TCF7L2: variants seen among roughly 807,000 people sequenced by gnomAD.
The protein encoded by TCF7L2 is transcription factor 7 like 2.
TCF7L2 carries 23 observed loss-of-function variants against 77.9 expected under a neutral mutation model. The observed-to-expected ratio is 0.30, with a 90% CI of 0.21 to 0.42. TCF7L2 has a LOEUF of 0.42. TCF7L2 is among the 10% of genes least tolerant of loss of function. The pLI is 1.00. For synonymous variants in TCF7L2, 413 were observed against 340.2 expected, an observed-to-expected ratio of 1.21 and a Z score of -2.36; for missense variants, 654 against 793.1, an observed-to-expected ratio of 0.82 and a Z score of 2.11.
intron 5 of TCF7L2, among the ~76,000 whole-genome samples, chr10:113,041,240 T>C (rs2052389894): frequency 9.9e-5 from 15 of 152,246 alleles, no homozygotes; most frequent in Admixed American, 9.2e-4. Flanking sequence ...TTTGTGACAA[T>C]GTCTTCTTTT....
chr10:113,159,744 G>T (rs1304112429), intron 12 of TCF7L2, among the ~76,000 whole-genome samples, 176 bp from the exon 14 acceptor site: 5 of 148,390 alleles, frequency 3.4e-5, no homozygotes, highest in African/African-American at 5.0e-5. Flanking sequence ...GTTAAAAAAC[G>T]AAAGTCAATA....
At chr10:112,957,993 C>T (rs1443808487) in intron 3 of TCF7L2, among the ~76,000 whole-genome samples, 4 of 152,152 alleles carry the variant, frequency 2.6e-5, no homozygotes, top group Non-Finnish European at 5.9e-5. Context: ...AACTTAAAGA[C>T]CCAGGCCGAA....
chr10:113,022,167 C>T (rs951004528), intron 4 of TCF7L2, among the ~76,000 whole-genome samples: 8 of 152,144 alleles, frequency 5.3e-5, no homozygotes, highest in South Asian at 2.1e-4. Flanking sequence ...ATGATGATTT[C>T]GTGTGGTTTC....
chr10:113,071,370 G>C (rs1331087241), intron 5 of TCF7L2, among the ~76,000 whole-genome samples: 3 of 152,124 alleles, frequency 2.0e-5, no homozygotes, highest in South Asian at 2.1e-4. Flanking sequence ...ACATGGGAGA[G>C]TTTTTGCTTT....
At chr10:113,132,664 C>T (rs2066777923) in intron 5 of TCF7L2, among the ~76,000 whole-genome samples, 1 of 152,194 alleles carries the variant, frequency 6.6e-6, no homozygotes, top group Admixed American at 6.5e-5. Flanking sequence ...ATCTGCTCTC[C>T]TAGAAACAGC....
At chr10:113,012,670 G>A (rs12354626) in intron 4 of TCF7L2, among the ~76,000 whole-genome samples, 3,470 of 152,264 alleles carry the variant, frequency 0.023, 64 homozygotes, top group Non-Finnish European at 0.032. Flanking sequence ...TTGTCTCCAG[G>A]TCTCTTAACA....
At chr10:112,987,812 A>G (rs1032603437) in intron 4 of TCF7L2, 1 of 181,864 alleles carries the variant, frequency 5.5e-6, no homozygotes, top group Non-Finnish European at 1.2e-5. Flanking sequence ...ATGGACCACA[A>G]AGAGATGAGA....
At chr10:112,980,998 G>A (rs957049278) in intron 4 of TCF7L2, among the ~76,000 whole-genome samples, 34 of 152,264 alleles carry the variant, frequency 2.2e-4, no homozygotes, top group African/African-American at 7.9e-4. Context: ...AATCACTGAA[G>A]CAATGTATAA....
chr10:113,115,760 C>T lies in TCF7L2; in HGVS notation c.553-25424C>T, dbSNP rs149012849. 9.5e-4 allele frequency among the ~76,000 whole-genome samples: 145 copies of T among 152,232 alleles called. 1 individual carries two copies. The highest frequency in any genetic ancestry group is 3.3e-3 in the African/African-American group (137 of 41,522). On this transcript the variant is annotated intron_variant, in intron 5 of 13. Coordinates refer to ENST00000627217, the MANE Select transcript of TCF7L2 (RefSeq NM_001146274.2). ...TGTGCGGCCTCCATTTCAAGGACAG[C>T]GCGCGGTTTTAAAAACCACAACTAC...
At chr10:113,131,061 C>T (rs543404596) in intron 5 of TCF7L2, among the ~76,000 whole-genome samples, 9 of 152,130 alleles carry the variant, frequency 5.9e-5, no homozygotes, top group Non-Finnish European at 7.4e-5. Context: ...CCACCGTGCC[C>T]GGCCGGAGTG....
chr10:113,136,646 C>A (rs1043567329), intron 5 of TCF7L2, among the ~76,000 whole-genome samples: 4 of 152,140 alleles, frequency 2.6e-5, no homozygotes, highest in African/African-American at 9.7e-5. Context: ...TTACGTTGAG[C>A]TGTTTCCCTT....
chr10:113,139,931 T>C lies in TCF7L2; in HGVS notation c.553-1253T>C, dbSNP rs567670126. Among the ~76,000 whole-genome samples the C allele has an allele frequency of 1.7e-3, 262 of 152,308 alleles. 2 individuals are homozygous for C. The highest frequency in any genetic ancestry group is 3.2e-3 in the Non-Finnish European group (219 of 68,018). On this transcript the variant is annotated intron_variant, in intron 5 of 13. Coordinates refer to ENST00000627217, the MANE Select transcript of TCF7L2 (RefSeq NM_001146274.2). ...TAGGACCTTCCTTCTTTTCTTTTAA[T>C]GCAATTCCTTTTCCTTGATGTTAAT...
chr10:112,992,557 G>A (rs2042757047), intron 4 of TCF7L2, among the ~76,000 whole-genome samples: 2 of 152,126 alleles, frequency 1.3e-5, no homozygotes, highest in African/African-American at 4.8e-5. Context: ...AGGCTGCAGG[G>A]TGCTAAGATT....
intron 5 of TCF7L2, among the ~76,000 whole-genome samples, chr10:113,101,995 C>A (rs201377188): frequency 6.8e-6 from 1 of 147,072 alleles, no homozygotes; most frequent in African/African-American, 2.5e-5. Flanking sequence ...AAAAATTAGC[C>A]GGGCGTGGTG....
intron 4 of TCF7L2, among the ~76,000 whole-genome samples, chr10:112,996,101 G>C (rs2043422441): frequency 1.3e-5 from 2 of 152,124 alleles, no homozygotes; most frequent in African/African-American, 4.8e-5. Flanking sequence ...TTCATTTACA[G>C]AGGATCCCAT....
At chr10:112,957,075 C>T (rs1014033428) in intron 3 of TCF7L2, among the ~76,000 whole-genome samples, 2 of 152,010 alleles carry the variant, frequency 1.3e-5, no homozygotes, top group Admixed American at 1.3e-4. Context: ...AGTGGGGGCT[C>T]TGCACAGATG....
chr10:113,023,986 G>A (rs1219742203), intron 4 of TCF7L2, among the ~76,000 whole-genome samples: 2 of 151,834 alleles, frequency 1.3e-5, no homozygotes, highest in Non-Finnish European at 1.5e-5. Flanking sequence ...GTCACTATCA[G>A]TGGGTCTGTT....
At chr10:113,076,809 T>C (rs1466697730) in intron 5 of TCF7L2, among the ~76,000 whole-genome samples, 1 of 152,218 alleles carries the variant, frequency 6.6e-6, no homozygotes, top group Non-Finnish European at 1.5e-5. Context: ...GAGCACAGGA[T>C]GTTTGATGTG....
At chr10:112,979,514 T>C (rs978792374) in intron 4 of TCF7L2, among the ~76,000 whole-genome samples, 4 of 152,186 alleles carry the variant, frequency 2.6e-5, no homozygotes, top group African/African-American at 9.7e-5. Context: ...TCCAGCACTT[T>C]GGGAAGCCGA....
Sources: allele counts gnomAD v4.1 joint callset (sites outside exome capture counted in the v4.1 genomes callset), GRCh38; gene constraint gnomAD v4.1.1; transcripts MANE v1.5; gene names NCBI Gene and HGNC (gene_info 2026-07-23, HGNC 2026-07-21).